PTER: variants seen among roughly 807,000 people sequenced by gnomAD.
PTER encodes the protein phosphotriesterase related, also known as N-acetyltaurine hydrolase.
In PTER, 38 loss-of-function variants were observed where a neutral mutation model predicts 29.6. The ratio of observed to expected loss-of-function variants is 1.28; its 90% CI spans 0.99 to 1.68. The LOEUF (loss-of-function observed/expected upper bound fraction) is 1.68, where lower values mean the gene tolerates loss of function less well. PTER is among the 40% of genes most tolerant of loss of function. PTER has a pLI of 0.00. For synonymous variants in PTER, 172 were observed against 154.5 expected (o/e 1.11, Z -0.84); for missense variants, 482 against 427.8 (o/e 1.13, Z -1.12).
intron 1 of PTER, among the ~76,000 whole-genome samples, chr10:16,454,335 G>GC (rs1336077894): frequency 6.6e-6 from 1 of 152,148 alleles, no homozygotes; most frequent in Non-Finnish European, 1.5e-5. Context: ...AACACTTTGG[G>GC]AGGCTGAGGT....
chr10:16,515,488 A>C (rs1222079547), downstream of PTER, among the ~76,000 whole-genome samples: 1 of 152,188 alleles, frequency 6.6e-6, no homozygotes, highest in East Asian at 1.9e-4. Flanking sequence ...CTCAAGTTTC[A>C]AGAATTTTTG....
chr10:16,450,768 A>T (rs1006758746), intron 1 of PTER, among the ~76,000 whole-genome samples: 5 of 152,166 alleles, frequency 3.3e-5, no homozygotes, highest in Admixed American at 6.5e-5. Flanking sequence ...TTGTCCAGCG[A>T]ACTAAGTAGC....
At chr10:16,492,983 G>A (rs1344015473) in intron 3 of PTER, among the ~76,000 whole-genome samples, 4 of 152,132 alleles carry the variant, frequency 2.6e-5, no homozygotes, top group African/African-American at 4.8e-5. Context: ...TGTTTTTCAT[G>A]CTCTTAATTA....
intron 3 of PTER, among the ~76,000 whole-genome samples, chr10:16,493,334 T>C (rs1835972047): frequency 6.6e-6 from 1 of 152,214 alleles, no homozygotes; most frequent in South Asian, 2.1e-4. Flanking sequence ...CAGGGGTGTT[T>C]GAGAATAATT....
intron 1 of PTER, among the ~76,000 whole-genome samples, chr10:16,477,481 A>G (rs1413386591): frequency 6.6e-6 from 1 of 152,160 alleles, no homozygotes; most frequent in Non-Finnish European, 1.5e-5. Context: ...CCAGCCTAAA[A>G]TATACATTTA....
intron 1 of PTER, among the ~76,000 whole-genome samples, chr10:16,448,079 C>A (rs537851446): frequency 6.6e-6 from 1 of 152,144 alleles, no homozygotes; most frequent in African/African-American, 2.4e-5. Context: ...CATAGTTAAA[C>A]GTTCAGTTTC....
downstream of PTER, among the ~76,000 whole-genome samples, chr10:16,517,810 A>G (rs1312433830): frequency 1.3e-5 from 2 of 152,184 alleles, no homozygotes; most frequent in Non-Finnish European, 2.9e-5. Context: ...ATTGCTACTG[A>G]TGTTCTCGTA....
intron 3 of PTER, among the ~76,000 whole-genome samples, chr10:16,501,363 A>G (rs1320786057): frequency 7.6e-5 from 6 of 79,432 alleles, no homozygotes; most frequent in East Asian, 8.6e-4. Context: ...ACACACACAC[A>G]CACACATGCA....
chr10:16,444,432 G>A (rs1011754783), intron 1 of PTER, among the ~76,000 whole-genome samples: 16 of 150,772 alleles, frequency 1.1e-4, no homozygotes, highest in African/African-American at 3.7e-4. Context: ...TCAATACCAC[G>A]CCTGGTTTTT....
chr10:16,443,827 A>G (rs576283533), intron 1 of PTER, among the ~76,000 whole-genome samples: 2 of 152,304 alleles, frequency 1.3e-5, no homozygotes, highest in East Asian at 3.9e-4. Context: ...GTGTACCATC[A>G]AAAAGGGCCA....
intron 1 of PTER, among the ~76,000 whole-genome samples, chr10:16,478,759 C>A (rs1835372565): frequency 6.6e-6 from 1 of 152,160 alleles, no homozygotes; most frequent in African/African-American, 2.4e-5. Flanking sequence ...ACCCTGGTGA[C>A]TTGAGGTTGA....
chr10:16,508,070 CT>C (rs56800279), intron 4 of PTER, among the ~76,000 whole-genome samples: 97 of 127,840 alleles, frequency 7.6e-4, no homozygotes, highest in Middle Eastern at 4.0e-3. Context: ...TTTTCTTTTT[CT>C]TTTTTTTTTT....
intron 1 of PTER, among the ~76,000 whole-genome samples, chr10:16,473,444 C>T (rs1004564937): frequency 7.1e-5 from 10 of 141,424 alleles, no homozygotes; most frequent in Admixed American, 4.5e-4. Flanking sequence ...CGCTTGAACC[C>T]GGGAGGCGGA....
At chr10:16,479,280 G>C (rs1228472492) in intron 1 of PTER, among the ~76,000 whole-genome samples, 12 of 152,038 alleles carry the variant, frequency 7.9e-5, no homozygotes. Context: ...TGATTCTTTT[G>C]ACAGTGTTTA....
At chr10:16,486,168 A>G (rs1488330809) in intron 2 of PTER, among the ~76,000 whole-genome samples, 184 bp from the exon 3 acceptor site, 2 of 152,206 alleles carry the variant, frequency 1.3e-5, no homozygotes, top group Non-Finnish European at 2.9e-5. Context: ...ATTTAGTGCA[A>G]CTTGTTGATT....
rs150579527 is a variant in PTER at position 16,440,227 on chromosome 10, A to G, written c.-49+3180A>G. ...AATATAGGCATGCACCACCACGCCC[A>G]GCTAATTTTTTTGTATTTTTGGTAG... is the stretch of plus-strand genomic sequence containing the variant. On this transcript the variant is annotated intron_variant, in intron 1 of 4. Coordinates refer to ENST00000535784, the MANE Select transcript of PTER (RefSeq NM_001261836.2). Among the ~76,000 whole-genome samples the G allele has an allele frequency of 8.8e-3, 1,337 of 151,742 alleles. 18 individuals are homozygous for G. Among genetic ancestry groups the G allele is most frequent in the African/African-American group, 0.031 (1,273 of 41,348 alleles).
At chr10:16,476,378 C>A (rs1835263834) in intron 1 of PTER, among the ~76,000 whole-genome samples, 1 of 152,102 alleles carries the variant, frequency 6.6e-6, no homozygotes, top group Admixed American at 6.5e-5. Flanking sequence ...CCATGCCCGA[C>A]CTCATACTTT....
chr10:16,443,562 AACTAACATT>A (rs1259720442), intron 1 of PTER, among the ~76,000 whole-genome samples: 1 of 152,242 alleles, frequency 6.6e-6, no homozygotes, highest in Admixed American at 6.5e-5. Flanking sequence ...ACTTCTTTTT[AACTAACATT>A]ACTTGGAGGA....
At chr10:16,514,038 C>A (rs953652077), downstream of PTER, 3 of 327,444 alleles carry the variant, frequency 9.2e-6, no homozygotes, top group Admixed American at 4.8e-5. Flanking sequence ...CAAACAATTT[C>A]TTTGGGGACA....
Sources: allele counts gnomAD v4.1 joint callset (sites outside exome capture counted in the v4.1 genomes callset), GRCh38; gene constraint gnomAD v4.1.1; transcripts MANE v1.5; gene names NCBI Gene and HGNC (gene_info 2026-07-23, HGNC 2026-07-21).